PIGB: variants seen among roughly 807,000 people sequenced by gnomAD.
PIGB encodes GPI alpha-1,2-mannosyltransferase 3.
In PIGB, 58 loss-of-function variants were observed where a neutral mutation model predicts 68.4. That is an observed-to-expected ratio of 0.85 (90% CI 0.69 to 1.06). PIGB has a LOEUF of 1.06. PIGB is among the 50% of genes least tolerant of loss of function. PIGB has a pLI of 0.00. For missense variants in PIGB, 634 were observed against 655.8 expected (o/e 0.97, Z 0.36); for synonymous variants, 219 against 220.5 (o/e 0.99, Z 0.06).
intron 10 of PIGB, among the ~76,000 whole-genome samples, chr15:55,352,079 G>C (rs1396500544): frequency 6.6e-6 from 1 of 150,978 alleles, no homozygotes; most frequent in Non-Finnish European, 1.5e-5. Context: ...CTCCTGAGTA[G>C]CTAAGATTAC....
intron 9 of PIGB, among the ~76,000 whole-genome samples, chr15:55,344,658 G>A (rs2055748576): frequency 6.6e-6 from 1 of 152,064 alleles, no homozygotes; most frequent in South Asian, 2.1e-4. Flanking sequence ...TTTGTGACTG[G>A]CTCTGATCTT....
chr15:55,351,515 G>T (rs1171098475), intron 10 of PIGB: 4 of 152,214 alleles, frequency 2.6e-5, no homozygotes, highest in Non-Finnish European at 4.4e-5. Flanking sequence ...AGAAACTCAT[G>T]TATTACTTAC....
chr15:55,320,175 G>T, intron 1 of PIGB, 100 bp from the exon 2 acceptor site: 1 of 1,103,668 alleles, frequency 9.1e-7, no homozygotes, highest in Non-Finnish European at 1.3e-6. Context: ...GGTCACTACT[G>T]TGCCTTACAA....
intron 10 of PIGB, chr15:55,351,699 C>G (rs1258443999): frequency 6.6e-6 from 1 of 151,038 alleles, no homozygotes; most frequent in Non-Finnish European, 1.5e-5. Flanking sequence ...GGTGAAACCC[C>G]GTCTCTACTA....
intron 6 of PIGB, among the ~76,000 whole-genome samples, chr15:55,334,637 T>C (rs1343771443): frequency 6.6e-6 from 1 of 152,234 alleles, no homozygotes; most frequent in African/African-American, 2.4e-5. Context: ...GACATTTTGG[T>C]TAGCACTGGA....
chr15:55,332,916 A>G (rs947375583), intron 5 of PIGB, among the ~76,000 whole-genome samples: 16 of 152,178 alleles, frequency 1.1e-4, no homozygotes, highest in African/African-American at 3.9e-4. Flanking sequence ...TAGGCCTTTT[A>G]TCAGTTGTAT....
Position 55,327,511 on chromosome 15 carries a change from C to T in PIGB, c.418-20C>T. The T allele has an allele frequency of 6.6e-7, 1 of 1,509,208 alleles. No individual in the cohort carries two copies. Among genetic ancestry groups the T allele is most frequent in the Non-Finnish European group, 9.1e-7 (1 of 1,094,102 alleles). The allele number at this position is 1,509,208 out of a possible 1,614,324, so 93.5% of individuals were successfully genotyped here. A position where few individuals can be genotyped will look rare whatever the true frequency, so the allele number is the denominator to read the frequency against. On this transcript the variant is annotated intron_variant, in intron 3 of 11. Coordinates refer to ENST00000164305, the MANE Select transcript of PIGB (RefSeq NM_004855.5). ...CAACAGATATTTTTAACATCCTGTT[C>T]TTCTTTTTAACTGATGAAGATTTGG...
At position 55,327,618 on chromosome 15, in the gene PIGB, G is replaced by A. The variant is rs1253288924; in HGVS notation, c.505G>A (p.Glu169Lys). ...YSLMKQLENQ[E>K]VARWVFFCQL... The stretch of plus-strand genomic sequence containing the variant: ...ATTAATGAAGCAACTAGAAAATCAG[G>A]AAGTGGCAAGATGGGTGGTAAGTCC... The change falls in exon 4 of 12, where the codon GAA becomes AAA. Residue 169 changes from glutamate to lysine, a missense_variant. Transcript: ENST00000164305. The A allele has an allele frequency of 3.7e-6, 6 of 1,605,634 alleles. No individual in the cohort carries two copies. In the Admixed American group the frequency reaches 8.4e-5, roughly 23 times the overall value.
intron 7 of PIGB, among the ~76,000 whole-genome samples, chr15:55,339,545 G>A (rs2055615611): frequency 6.6e-6 from 1 of 152,206 alleles, no homozygotes; most frequent in Non-Finnish European, 1.5e-5. Flanking sequence ...TATTAAGTGA[G>A]CACTGAATGT....
At chr15:55,346,090 C>G (rs573059322) in intron 9 of PIGB, among the ~76,000 whole-genome samples, 2 of 152,268 alleles carry the variant, frequency 1.3e-5, no homozygotes, top group South Asian at 4.1e-4. Flanking sequence ...TACCGTGAAC[C>G]TTACCTTGGT....
At chr15:55,322,542 C>G (rs766151509) in intron 3 of PIGB, among the ~76,000 whole-genome samples, 3 of 152,102 alleles carry the variant, frequency 2.0e-5, no homozygotes, top group Admixed American at 6.6e-5. Context: ...GTGCTCCCCC[C>G]GATTTCTGTC....
chr15:55,352,196 C>T (rs2055941299), intron 10 of PIGB, among the ~76,000 whole-genome samples: 1 of 152,026 alleles, frequency 6.6e-6, no homozygotes. Context: ...GATCCGCCCA[C>T]CTCAGCCTCC....
At chr15:55,332,688 A>T (rs1237721417) in intron 5 of PIGB, among the ~76,000 whole-genome samples, 1 of 152,092 alleles carries the variant, frequency 6.6e-6, no homozygotes, top group Non-Finnish European at 1.5e-5. Flanking sequence ...ATTTCTTTAT[A>T]GTTATTTTTA....
chr15:55,336,260 A>C (rs1052660110), intron 6 of PIGB, among the ~76,000 whole-genome samples: 5 of 152,150 alleles, frequency 3.3e-5, no homozygotes, highest in African/African-American at 1.2e-4. Context: ...GGCACTAGGC[A>C]CGCCTGTGGT....
At chr15:55,321,798 A>G (rs1325904475) in intron 3 of PIGB, among the ~76,000 whole-genome samples, 3 of 149,352 alleles carry the variant, frequency 2.0e-5, no homozygotes, top group Non-Finnish European at 4.5e-5. Context: ...GATAACAGGC[A>G]TGCACCACCA....
intron 9 of PIGB, chr15:55,350,016 T>C (rs1209330643): frequency 6.6e-6 from 1 of 152,202 alleles, no homozygotes; most frequent in African/African-American, 2.4e-5. Flanking sequence ...TACTTGGTTT[T>C]TTCCTTTGGT....
intron 10 of PIGB, among the ~76,000 whole-genome samples, chr15:55,353,300 T>C (rs957321370): frequency 2.6e-5 from 4 of 152,214 alleles, no homozygotes; most frequent in African/African-American, 7.2e-5. Flanking sequence ...TACTGTGGCA[T>C]AGAAAGACTA....
At chr15:55,325,509 ATAATT>A (rs2055261480) in intron 3 of PIGB, among the ~76,000 whole-genome samples, 4 of 152,252 alleles carry the variant, frequency 2.6e-5, no homozygotes, top group African/African-American at 9.6e-5. Context: ...CTTTCTAACT[ATAATT>A]TAGTTGTAAT....
chr15:55,320,698 T>C (rs368341676), intron 2 of PIGB, among the ~76,000 whole-genome samples: 2 of 152,194 alleles, frequency 1.3e-5, no homozygotes, highest in Non-Finnish European at 2.9e-5. Context: ...ATAAAAGTTA[T>C]GTGAACTTTT....
Sources: allele counts gnomAD v4.1 joint callset (sites outside exome capture counted in the v4.1 genomes callset), GRCh38; gene constraint gnomAD v4.1.1; transcripts MANE v1.5; gene names NCBI Gene and HGNC (gene_info 2026-07-23, HGNC 2026-07-21).